HEATR5B: variants seen among roughly 807,000 people sequenced by gnomAD.
HEATR5B encodes the protein HEAT repeat-containing protein 5B.
HEATR5B carries 156 observed loss-of-function variants against 224.1 expected under a neutral mutation model. The ratio of observed to expected loss-of-function variants is 0.70; its 90% CI spans 0.61 to 0.80. The LOEUF is 0.80. Ranked by LOEUF, HEATR5B falls within the 30% of genes least tolerant of loss-of-function variation. HEATR5B has a pLI of 0.00. For missense variants in HEATR5B, 2,323 were observed against 2,535.5 expected (o/e 0.92, Z 1.80); for synonymous variants, 1,027 against 893.0 (o/e 1.15, Z -2.68).
At chr2:37,002,817 G>A (rs548792301) in intron 31 of HEATR5B, among the ~76,000 whole-genome samples, 1 of 152,142 alleles carries the variant, frequency 6.6e-6, no homozygotes, top group East Asian at 1.9e-4. Context: ...TATATATTTT[G>A]TAATAGGAAT....
rs76860786 is a variant in HEATR5B at position 37,018,339 on chromosome 2, T to C, written c.4104+1470A>G. ...TTTTGTCTGCTTAAATGCTGTGCTC[T>C]GAAACGTCATCATGATACACTTATT... is the stretch of plus-strand genomic sequence containing the variant. On this transcript the variant is annotated intron_variant, in intron 26 of 35. Transcript: ENST00000233099. Among the ~76,000 whole-genome samples, 1,101 of 152,376 alleles carry C rather than the reference T, an allele frequency of 7.2e-3. 17 individuals are homozygous for C. Among genetic ancestry groups the C allele is most frequent in the African/African-American group, 0.025 (1,054 of 41,592 alleles).
intron 10 of HEATR5B, among the ~76,000 whole-genome samples, chr2:37,063,278 A>C (rs1187385473): frequency 2.0e-5 from 3 of 152,202 alleles, no homozygotes; most frequent in Non-Finnish European, 4.4e-5. Flanking sequence ...GGTGCAGCTG[A>C]ATAAGAGGGG....
chr2:37,075,159 C>T (rs1319484349), intron 5 of HEATR5B, among the ~76,000 whole-genome samples: 2 of 152,074 alleles, frequency 1.3e-5, no homozygotes, highest in Non-Finnish European at 2.9e-5. Flanking sequence ...CTAGAAGCAA[C>T]TCAAATGTTT....
In HEATR5B at chr2:37,013,970, G is replaced by A. The variant is rs901823655; in HGVS notation, c.4155C>T (p.Leu1385=). Residue 1385 remains leucine, a synonymous_variant, in exon 27 of 36, where the codon CTC becomes CTT. Transcript: ENST00000233099. The part of the protein sequence containing the change: ...GSGVVSDLND[L]RRVHNLLVSS... ...AAACAAGAAGATTGTGTACTCGACGGAGATCATTGAGATCACTGACAACTC... is the reference window on the plus strand; with the variant it reads ...AAACAAGAAGATTGTGTACTCGACGAAGATCATTGAGATCACTGACAACTC... 11 of 1,608,962 alleles carry A rather than the reference G, an allele frequency of 6.8e-6. No homozygotes were observed. Among genetic ancestry groups the A allele is most frequent in the African/African-American group, 6.7e-5 (5 of 74,752 alleles).
Position 37,060,753 on chromosome 2 carries a change from T to C in HEATR5B, c.1697-20A>G, listed in dbSNP as rs1166293173. The C allele has an allele frequency of 6.2e-7, 1 of 1,606,556 alleles. No individual in the cohort carries two copies. The highest frequency in any genetic ancestry group is 1.3e-5 in the African/African-American group (1 of 74,632). The stretch of plus-strand genomic sequence containing the variant: ...ATGGTCCTAGCCAAGAAAATGAGAA[T>C]ACAAAACCATGTATATGTAACATAC... On this transcript the variant is annotated intron_variant, in intron 11 of 35. Coordinates refer to ENST00000233099, the MANE Select transcript of HEATR5B (RefSeq NM_019024.3).
chr2:37,020,105 A>G (rs1466707086), intron 25 of HEATR5B, among the ~76,000 whole-genome samples: 1 of 152,086 alleles, frequency 6.6e-6, no homozygotes, highest in East Asian at 1.9e-4. Context: ...GGGTTTCACC[A>G]TGTTGGCCTG....
At position 37,013,928 on chromosome 2, in the gene HEATR5B, A is replaced by T. The variant is rs1170476084; in HGVS notation, c.4197T>A (p.Val1399=). Residue 1399 remains valine (V), a synonymous_variant, in exon 27 of 36, where the codon GTT becomes GTA. Transcript: ENST00000233099. The part of the protein sequence containing the change: ...HNLLVSSLDK[V]QAGKGSSSQL... ...GGCTGGAAGATCCTTTTCCAGCCTG[A>T]ACTTTGTCCAGAGAAGAAACAAGAA... 23 of 1,613,336 alleles carry T rather than the reference A, an allele frequency of 1.4e-5. No homozygotes were observed. In the South Asian group the frequency reaches 1.8e-4, roughly 12 times the overall value.
In HEATR5B at chr2:37,066,012, G is replaced by A. The variant is rs1052480203; in HGVS notation, c.1178-102C>T. 39 of 977,074 alleles carry A rather than the reference G, an allele frequency of 4.0e-5. No individual in the cohort carries two copies. The East Asian group carries it at 7.0e-4, about 18-fold the overall frequency. 60.5% of individuals were successfully genotyped at this position (977,074 alleles called of 1,614,324 possible). On this transcript the variant is annotated intron_variant, in intron 8 of 35. Coordinates refer to ENST00000233099, the MANE Select transcript of HEATR5B (RefSeq NM_019024.3). ...ATTTTAGCCATACCAGTTGATGTCC[G>A]AGTGTTAAAAACTATGCAGTTATTT...
At chr2:37,043,398 C>G (rs956156412) in intron 18 of HEATR5B, among the ~76,000 whole-genome samples, 2 of 152,174 alleles carry the variant, frequency 1.3e-5, no homozygotes, top group African/African-American at 4.8e-5. Context: ...GCTTGACTTT[C>G]AGAATGGCCA....
At chr2:37,013,727 T>C (rs1376963620) in intron 27 of HEATR5B, 114 bp downstream of exon 27, 2 of 730,086 alleles carry the variant, frequency 2.7e-6, no homozygotes, top group African/African-American at 3.5e-5. Flanking sequence ...AAGTATTCCA[T>C]ATCAAGGGTT....
intron 25 of HEATR5B, 89 bp from the exon 26 acceptor site, chr2:37,019,966 C>CGT: frequency 4.6e-6 from 4 of 861,120 alleles, no homozygotes; most frequent in Non-Finnish European, 7.2e-6. Context: ...TGCAGTGGTG[C>CGT]GATCTCGGCT....
At chr2:37,060,480 C>A (rs1199670453) in intron 12 of HEATR5B, 101 bp downstream of exon 12, 2 of 923,434 alleles carry the variant, frequency 2.2e-6, no homozygotes, top group South Asian at 4.6e-5. Flanking sequence ...TTTATCATTA[C>A]CTAGTAAAAT....
intron 34 of HEATR5B, among the ~76,000 whole-genome samples, chr2:36,990,077 T>C (rs1182591965): frequency 6.6e-6 from 1 of 151,914 alleles, no homozygotes; most frequent in African/African-American, 2.4e-5. Context: ...ATTTTTTTTG[T>C]ATTTTTAGTA....
intron 33 of HEATR5B, among the ~76,000 whole-genome samples, chr2:36,993,228 C>T (rs1167050852): frequency 2.0e-5 from 3 of 151,670 alleles, no homozygotes; most frequent in Admixed American, 2.0e-4. Flanking sequence ...AAGGGACCCA[C>T]TGAATTAAAA....
At chr2:37,028,505 T>C (rs566326843) in intron 23 of HEATR5B, among the ~76,000 whole-genome samples, 176 bp downstream of exon 23, 1 of 152,274 alleles carries the variant, frequency 6.6e-6, no homozygotes, top group South Asian at 2.1e-4. Context: ...AAAAAGCTCA[T>C]TTGTTTATAA....
At chr2:37,058,581 T>C in intron 13 of HEATR5B, 21 bp from the exon 14 acceptor site, 1 of 1,503,238 alleles carries the variant, frequency 6.7e-7, no homozygotes, top group Non-Finnish European at 9.3e-7. Context: ...AAAAACATAG[T>C]TGGTAATGGC....
intron 8 of HEATR5B, 49 bp downstream of exon 8, chr2:37,068,632 G>T (rs1276577616): frequency 1.9e-6 from 3 of 1,572,796 alleles, no homozygotes; most frequent in South Asian, 2.3e-5. Context: ...TCATAATAAA[G>T]AACTAAATGA....
intron 33 of HEATR5B, among the ~76,000 whole-genome samples, chr2:36,993,368 C>G (rs1666466465): frequency 6.6e-6 from 1 of 151,986 alleles, no homozygotes; most frequent in Admixed American, 6.6e-5. Flanking sequence ...AAAACCCCAT[C>G]TCTACTAAAA....
At chr2:37,025,464 T>TA (rs553029514) in intron 24 of HEATR5B, among the ~76,000 whole-genome samples, 21 of 144,118 alleles carry the variant, frequency 1.5e-4, no homozygotes, top group South Asian at 6.6e-4. Flanking sequence ...AAACCAGAAT[T>TA]AAAAAAAAAA....
Sources: gnomAD v4.1 joint callset for allele counts (sites outside exome capture counted in the v4.1 genomes callset) on GRCh38, gnomAD v4.1.1 for gene constraint, MANE v1.5 for transcripts, NCBI Gene and HGNC (gene_info 2026-07-23, HGNC 2026-07-21) for gene names.